GASK1A: variants seen among roughly 807,000 people sequenced by gnomAD.
The protein encoded by GASK1A is Golgi-associated kinase 1A.
A neutral mutation model predicts 41.2 loss-of-function variants in GASK1A; 40 were observed. The ratio of observed to expected loss-of-function variants is 0.97; its 90% CI spans 0.75 to 1.27. The LOEUF (loss-of-function observed/expected upper bound fraction) is 1.27, where lower values mean the gene tolerates loss of function less well. Among genes scored for constraint, GASK1A ranks in the 50% most tolerant of loss-of-function variants. GASK1A has a pLI of 0.00. For synonymous variants in GASK1A, 316 were observed against 307.1 expected (o/e 1.03, Z -0.30); for missense variants, 678 against 745.1 (o/e 0.91, Z 1.05).
At chr3:43,029,217 C>T (rs553873445) in intron 1 of GASK1A, among the ~76,000 whole-genome samples, 21 of 152,134 alleles carry the variant, frequency 1.4e-4, no homozygotes, top group African/African-American at 4.1e-4. Flanking sequence ...CAGCTCAGAG[C>T]TGCAAGGGAG....
intron 1 of GASK1A, among the ~76,000 whole-genome samples, chr3:42,991,306 A>C (rs994916902): frequency 6.6e-6 from 1 of 152,090 alleles, no homozygotes; most frequent in African/African-American, 2.4e-5. Context: ...GCGCCTGGCC[A>C]ATCGGTCTTT....
chr3:42,997,108 A>G (rs1367478399), intron 1 of GASK1A, among the ~76,000 whole-genome samples: 1 of 152,242 alleles, frequency 6.6e-6, no homozygotes, highest in African/African-American at 2.4e-5. Flanking sequence ...TGTGATGAGC[A>G]ACCCCACCAG....
chr3:43,023,377 C>T (rs1236219979), intron 1 of GASK1A, among the ~76,000 whole-genome samples: 1 of 152,136 alleles, frequency 6.6e-6, no homozygotes, highest in Non-Finnish European at 1.5e-5. Flanking sequence ...CTTCTGGCCT[C>T]CAGAACTGTG....
chr3:42,992,338 C>T (rs561951478), intron 1 of GASK1A, among the ~76,000 whole-genome samples: 4 of 152,242 alleles, frequency 2.6e-5, no homozygotes, highest in Non-Finnish European at 4.4e-5. Flanking sequence ...AACCTTTAAC[C>T]TCTTAGCCTC....
In GASK1A at chr3:43,056,219, C is replaced by G; in HGVS notation, c.1561C>G (p.Gln521Glu). The G allele has an allele frequency of 6.4e-7, 1 of 1,551,702 alleles. No homozygotes were observed. Among genetic ancestry groups the G allele is most frequent in the Non-Finnish European group, 8.7e-7 (1 of 1,146,980 alleles). Residue 521 changes from glutamine to glutamate, a missense_variant, in exon 5 of 5, where the codon CAG (glutamine) becomes GAG (glutamate). Coordinates refer to ENST00000430121, the MANE Select transcript of GASK1A (RefSeq NM_001129908.3). ...AVKVLASGCL[Q>E]NMLLKSLQMD... is the part of the protein sequence containing the mutation. Reference sequence around the variant, plus strand: ...GAAGGTTCTCGCATCAGGGTGTCTACAGAACATGCTGCTGAAGTCGCTGCA... The same window carrying G: ...GAAGGTTCTCGCATCAGGGTGTCTAGAGAACATGCTGCTGAAGTCGCTGCA...
At chr3:43,051,887 C>G (rs557421231) in intron 2 of GASK1A, among the ~76,000 whole-genome samples, 35 of 152,302 alleles carry the variant, frequency 2.3e-4, no homozygotes, top group Non-Finnish European at 3.7e-4. Flanking sequence ...TGATGTCTTC[C>G]TCTCCAGTGT....
chr3:43,004,119 A>G (rs1271206047), intron 1 of GASK1A, among the ~76,000 whole-genome samples: 1 of 152,192 alleles, frequency 6.6e-6, no homozygotes, highest in East Asian at 1.9e-4. Flanking sequence ...GGCAGGCTTC[A>G]GGTGTTTGGG....
In GASK1A at chr3:42,984,763, G is replaced by C. The variant is rs916035940; in HGVS notation, c.3+5118G>C. 2.6e-5 allele frequency among the ~76,000 whole-genome samples: 4 copies of C among 152,190 alleles called. No individual in the cohort carries two copies. The highest frequency in any genetic ancestry group is 9.7e-5 in the African/African-American group (4 of 41,434). On this transcript the variant is annotated intron_variant, in intron 1 of 4. Transcript: ENST00000430121. This position sits in a 1 kb window ranked among gnomAD's most constrained non-coding sequence, Gnocchi z 4.2. ...CGCTTTGCTTTAGAGCAGAAAGCAGGGTCCTTTAAATGAATACTTGGCATG... is the reference window on the plus strand; with the variant it reads ...CGCTTTGCTTTAGAGCAGAAAGCAGCGTCCTTTAAATGAATACTTGGCATG...
chr3:43,040,188 A>C (rs1291596339), intron 2 of GASK1A, among the ~76,000 whole-genome samples: 2 of 151,884 alleles, frequency 1.3e-5, no homozygotes, highest in Non-Finnish European at 2.9e-5. Flanking sequence ...GGTATAAAAC[A>C]ACTATTTTTT....
intron 1 of GASK1A, among the ~76,000 whole-genome samples, chr3:42,983,430 A>G (rs991386463): frequency 1.3e-5 from 2 of 152,100 alleles, no homozygotes; most frequent in African/African-American, 4.8e-5. Flanking sequence ...GTAAGGATCT[A>G]GTATAGATGA....
rs140112545 is a variant in GASK1A at position 42,999,484 on chromosome 3, G to C, written c.3+19839G>C. On this transcript the variant is annotated intron_variant, in intron 1 of 4. Coordinates refer to ENST00000430121, the MANE Select transcript of GASK1A (RefSeq NM_001129908.3). Reference sequence around the variant, plus strand: ...TGGGGAGGAGAGGAGCTTGTCTACTGGGGCTTCAGTGGCTGGCTCTCTCGC... The same window carrying C: ...TGGGGAGGAGAGGAGCTTGTCTACTCGGGCTTCAGTGGCTGGCTCTCTCGC... Among the ~76,000 whole-genome samples the C allele has an allele frequency of 8.2e-3, 1,247 of 152,306 alleles. 12 individuals are homozygous for C. The highest frequency in any genetic ancestry group is 0.054 in the Middle Eastern group (16 of 294).
At chr3:43,004,433 A>G (rs1306024472) in intron 1 of GASK1A, among the ~76,000 whole-genome samples, 1 of 152,154 alleles carries the variant, frequency 6.6e-6, no homozygotes, top group East Asian at 1.9e-4. Context: ...AAGACACAAA[A>G]CATAAACTAG....
At chr3:42,988,182 T>TA (rs1355943510) in intron 1 of GASK1A, among the ~76,000 whole-genome samples, 2 of 152,040 alleles carry the variant, frequency 1.3e-5, no homozygotes, top group Non-Finnish European at 2.9e-5. Context: ...GGAGAGTGGG[T>TA]AGGGGCTGTG....
chr3:43,008,806 C>T (rs147349453), intron 1 of GASK1A, among the ~76,000 whole-genome samples: 4 of 152,250 alleles, frequency 2.6e-5, no homozygotes, highest in Non-Finnish European at 4.4e-5. Flanking sequence ...TGAGGAGGCA[C>T]GTTGGTATCA....
intron 1 of GASK1A, among the ~76,000 whole-genome samples, chr3:43,019,678 G>A (rs551738351): frequency 6.6e-6 from 1 of 152,088 alleles, no homozygotes; most frequent in African/African-American, 2.4e-5. Context: ...TTAGAAAGGG[G>A]CAAAGGTCGG....
At chr3:43,030,233 C>T (rs986575168) in intron 1 of GASK1A, among the ~76,000 whole-genome samples, 1 of 152,252 alleles carries the variant, frequency 6.6e-6, no homozygotes, top group Non-Finnish European at 1.5e-5. Context: ...TCTCAAACTC[C>T]TGACCTCAAG....
chr3:43,055,679 G>A (rs1319191840), intron 4 of GASK1A, 144 bp downstream of exon 4: 2 of 640,580 alleles, frequency 3.1e-6, no homozygotes, highest in South Asian at 1.8e-5. Context: ...AGGCGGTGGT[G>A]GGGAGCCCTG....
Position 43,013,143 on chromosome 3 carries a change from AGTCACAGGAAGGGGCAGTATGAG to A in GASK1A, c.4-19108_4-19086del, listed in dbSNP as rs1358392090. ...GAAGCCACTGAAAGGGGCAGTGTGA[AGTCACAGGAAGGGGCAGTATGAG>A]GTCACAGGAAGGGGCTGTGTGAAGT... On this transcript the variant is annotated intron_variant, in intron 1 of 4. Coordinates refer to ENST00000430121, the MANE Select transcript of GASK1A (RefSeq NM_001129908.3). Among the ~76,000 whole-genome samples the A allele has an allele frequency of 5.8e-3, 868 of 150,060 alleles. 5 individuals carry two copies. The highest frequency in any genetic ancestry group is 0.02 in the African/African-American group (813 of 40,692).
chr3:43,055,989 C>G (rs2089713968), intron 4 of GASK1A, 187 bp from the exon 5 acceptor site: 2 of 587,094 alleles, frequency 3.4e-6, no homozygotes, highest in Non-Finnish European at 6.1e-6. Context: ...GCCTTCACAG[C>G]AAAGCCAGGC....
Sources: allele counts gnomAD v4.1 joint callset (sites outside exome capture counted in the v4.1 genomes callset), GRCh38; gene constraint gnomAD v4.1.1; non-coding constraint Gnocchi (gnomAD v3.1); transcripts MANE v1.5; gene names NCBI Gene and HGNC (gene_info 2026-07-23, HGNC 2026-07-21).